HHLA2: variants seen among roughly 807,000 people sequenced by gnomAD.
HHLA2 encodes the protein HERV-H LTR-associating protein 2.
A neutral mutation model predicts 45.9 loss-of-function variants in HHLA2; 48 were observed. The observed-to-expected ratio is 1.05, with a 90% CI of 0.83 to 1.33. HHLA2 has a LOEUF of 1.33. Among genes scored for constraint, HHLA2 ranks in the 40% most tolerant of loss-of-function variants. The probability of loss-of-function intolerance (pLI) is 0.00; values close to 1 mark genes in which losing one functional copy is unlikely to be tolerated. For synonymous variants in HHLA2, 161 were observed against 173.9 expected, an observed-to-expected ratio of 0.93 and a Z score of 0.59; for missense variants, 462 against 494.3, an observed-to-expected ratio of 0.93 and a Z score of 0.62.
chr3:108,337,047 A>G (rs1031538428), intron 3 of HHLA2, among the ~76,000 whole-genome samples: 3 of 152,094 alleles, frequency 2.0e-5, no homozygotes, highest in African/African-American at 7.2e-5. Context: ...GGGAAATGGC[A>G]TTTCCAAGAG....
At chr3:108,365,052 T>A (rs1161593738) in intron 8 of HHLA2, among the ~76,000 whole-genome samples, 2 of 152,256 alleles carry the variant, frequency 1.3e-5, no homozygotes, top group African/African-American at 4.8e-5. Flanking sequence ...TTTGGTGTTT[T>A]AGTCATGAAG....
chr3:108,325,235 CA>C (rs561898936), intron 2 of HHLA2, among the ~76,000 whole-genome samples: 1,685 of 150,844 alleles, frequency 0.011, 25 homozygotes, highest in African/African-American at 0.039. Flanking sequence ...GTGCAAAAAA[CA>C]AAAAAAAACT....
At chr3:108,301,767 T>G (rs1162307913) in intron 1 of HHLA2, among the ~76,000 whole-genome samples, 1 of 152,152 alleles carries the variant, frequency 6.6e-6, no homozygotes, top group Non-Finnish European at 1.5e-5. Flanking sequence ...TCTTGCCTCC[T>G]CCTTTCTTCT....
intron 1 of HHLA2, among the ~76,000 whole-genome samples, chr3:108,309,133 T>C (rs944328817): frequency 3.9e-5 from 6 of 152,228 alleles, no homozygotes; most frequent in Admixed American, 2.0e-4. Context: ...AACCGTTTCA[T>C]GGTTTGAGGT....
At chr3:108,306,570 T>C (rs2080934073) in intron 1 of HHLA2, among the ~76,000 whole-genome samples, 1 of 152,146 alleles carries the variant, frequency 6.6e-6, no homozygotes, top group African/African-American at 2.4e-5. Context: ...TAGGACTCTT[T>C]AAGATTTCTA....
At chr3:108,353,691 G>A in exon 5 of HHLA2, 1 of 1,613,656 alleles carries the variant, frequency 6.2e-7, no homozygotes, top group South Asian at 1.1e-5. Flanking sequence ...TTTTTCAGAA[G>A]AGTAAGCCTT....
At chr3:108,311,007 C>T (rs1293914002) in intron 2 of HHLA2, among the ~76,000 whole-genome samples, 2 of 152,100 alleles carry the variant, frequency 1.3e-5, no homozygotes, top group Non-Finnish European at 2.9e-5. Context: ...GAATTAAGAA[C>T]ATTTACAGAA....
At chr3:108,364,292 C>A (rs915056451) in intron 8 of HHLA2, among the ~76,000 whole-genome samples, 1 of 152,128 alleles carries the variant, frequency 6.6e-6, no homozygotes, top group African/African-American at 2.4e-5. Flanking sequence ...TGGTTTCCAG[C>A]TTCATCCATG....
At chr3:108,317,287 T>C (rs2081118550) in intron 2 of HHLA2, among the ~76,000 whole-genome samples, 1 of 152,240 alleles carries the variant, frequency 6.6e-6, no homozygotes, top group African/African-American at 2.4e-5. Flanking sequence ...CTGTGACATT[T>C]CTAACCAGGA....
chr3:108,298,219 T>C (rs1191478068), intron 1 of HHLA2, among the ~76,000 whole-genome samples: 1 of 152,192 alleles, frequency 6.6e-6, no homozygotes, highest in Non-Finnish European at 1.5e-5. Flanking sequence ...TTCTGTCAGA[T>C]GAGACTAGCT....
chr3:108,316,511 TA>T (rs1273452055), intron 2 of HHLA2, among the ~76,000 whole-genome samples: 1 of 152,140 alleles, frequency 6.6e-6, no homozygotes, highest in Admixed American at 6.6e-5. Context: ...CCTGAAAGAT[TA>T]AAAGGCATCA....
intron 5 of HHLA2, 149 bp downstream of exon 4, chr3:108,353,929 T>C: frequency 1.6e-6 from 1 of 628,672 alleles, no homozygotes; most frequent in Admixed American, 3.0e-5. Flanking sequence ...TGTAGTATAC[T>C]AATGTTATAA....
At chr3:108,332,688 AAG>A (rs1207199954) in intron 3 of HHLA2, among the ~76,000 whole-genome samples, 4 of 152,152 alleles carry the variant, frequency 2.6e-5, no homozygotes, top group African/African-American at 9.7e-5. Flanking sequence ...ATCTAGATTC[AAG>A]TTGGGTGAAA....
intron 1 of HHLA2, among the ~76,000 whole-genome samples, chr3:108,307,636 A>G (rs1359521470): frequency 6.8e-6 from 1 of 147,670 alleles, no homozygotes. Flanking sequence ...CTCTGTCTCA[A>G]AAAAAAAAAA....
chr3:108,325,929 C>T, intron 2 of HHLA2: 1 of 391,268 alleles, frequency 2.6e-6, no homozygotes, highest in East Asian at 7.0e-5. Flanking sequence ...TTCCTTATTT[C>T]ATGATTGTGG....
At chr3:108,364,133 T>G (rs946546013) in intron 8 of HHLA2, among the ~76,000 whole-genome samples, 8 of 152,204 alleles carry the variant, frequency 5.3e-5, no homozygotes, top group Non-Finnish European at 2.9e-5. Context: ...CCTGATGCCC[T>G]CCCTCCCCTT....
chr3:108,350,860 T>A (rs2081763289), intron 3 of HHLA2, among the ~76,000 whole-genome samples: 1 of 152,118 alleles, frequency 6.6e-6, no homozygotes, highest in African/African-American at 2.4e-5. Flanking sequence ...AATTTTTGTA[T>A]TTTTAGTAGA....
intron 8 of HHLA2, among the ~76,000 whole-genome samples, chr3:108,370,190 C>A (rs1424043781): frequency 6.6e-6 from 1 of 152,186 alleles, no homozygotes; most frequent in Non-Finnish European, 1.5e-5. Context: ...TGCTGATACC[C>A]AGGCAAACAG....
At chr3:108,346,780 C>T (rs991084300) in intron 3 of HHLA2, among the ~76,000 whole-genome samples, 5 of 152,220 alleles carry the variant, frequency 3.3e-5, no homozygotes, top group Non-Finnish European at 7.3e-5. Context: ...TCTGTCCCAA[C>T]TGCAAGTGAT....
Sources: gnomAD v4.1 joint callset for allele counts (sites outside exome capture counted in the v4.1 genomes callset) on GRCh38, gnomAD v4.1.1 for gene constraint, MANE v1.5 for transcripts, NCBI Gene and HGNC (gene_info 2026-07-23, HGNC 2026-07-21) for gene names.